CDKL1: variants seen among roughly 807,000 people sequenced by gnomAD.
CDKL1 encodes cyclin dependent kinase like 1.
Under a neutral mutation model 42.0 loss-of-function variants are expected in CDKL1, and 41 were observed. The observed-to-expected ratio is 0.98, with a 90% CI of 0.76 to 1.27. The LOEUF is 1.27. CDKL1 is among the 50% of genes most tolerant of loss of function. The pLI is 0.00. For missense variants in CDKL1, 394 were observed against 428.4 expected, an observed-to-expected ratio of 0.92 and a Z score of 0.71; for synonymous variants, 153 against 158.6, an observed-to-expected ratio of 0.96 and a Z score of 0.26.
chr14:50,372,351 C>G (rs1253156434), intron 2 of CDKL1, among the ~76,000 whole-genome samples: 1 of 152,214 alleles, frequency 6.6e-6, no homozygotes, highest in Non-Finnish European at 1.5e-5. Context: ...CTCCTGACCT[C>G]AGGTGATCTG....
At chr14:50,363,047 A>AAGAAC (rs2139464008) in intron 2 of CDKL1, 1 of 432,622 alleles carries the variant, frequency 2.3e-6, no homozygotes, top group South Asian at 1.6e-5. Context: ...ACTGGGAGGA[A>AAGAAC]AGAACAACTC....
intron 3 of CDKL1, among the ~76,000 whole-genome samples, chr14:50,351,891 C>A (rs2033915967): frequency 6.6e-6 from 1 of 152,020 alleles, no homozygotes; most frequent in Non-Finnish European, 1.5e-5. Flanking sequence ...TTTACATAGG[C>A]ACAATAATGG....
intron 2 of CDKL1, among the ~76,000 whole-genome samples, chr14:50,380,647 T>C (rs982274242): frequency 2.6e-5 from 4 of 152,176 alleles, no homozygotes; most frequent in Admixed American, 6.5e-5. Flanking sequence ...ATTGATGACA[T>C]CATGTTAACT....
At chr14:50,345,168 G>T in intron 3 of CDKL1, 110 bp from the exon 4 acceptor site, 1 of 873,160 alleles carries the variant, frequency 1.1e-6, no homozygotes. Context: ...AATCTTAGGT[G>T]ACACATAGTC....
intron 8 of CDKL1, chr14:50,333,915 A>G (rs968831487): frequency 1.3e-5 from 2 of 150,924 alleles, no homozygotes; most frequent in African/African-American, 2.4e-5. Flanking sequence ...ATATATATCA[A>G]GTTTTTAAAT....
At chr14:50,392,489 A>G (rs8022479) in intron 2 of CDKL1, among the ~76,000 whole-genome samples, 3,205 of 147,248 alleles carry the variant, frequency 0.022, 46 homozygotes, top group Non-Finnish European at 0.028. Context: ...TAATAATAAT[A>G]ATGAAAGAAC....
chr14:50,369,619 C>T (rs1216570846), intron 2 of CDKL1, among the ~76,000 whole-genome samples: 1 of 149,822 alleles, frequency 6.7e-6, no homozygotes, highest in Non-Finnish European at 1.5e-5. Flanking sequence ...CACACACACA[C>T]ACACACACAC....
chr14:50,331,031 C>G (rs890371030), intron 9 of CDKL1: 1 of 152,216 alleles, frequency 6.6e-6, no homozygotes, highest in Non-Finnish European at 1.5e-5. Context: ...GGTCAGGAGT[C>G]GAGACCAGCC....
chr14:50,397,174 C>T (rs1447131162), upstream of CDKL1: 1 of 1,366,554 alleles, frequency 7.3e-7, no homozygotes, highest in Non-Finnish European at 9.8e-7. Context: ...GCTAGGAGCC[C>T]CTCCTGAGCG....
intron 2 of CDKL1, among the ~76,000 whole-genome samples, chr14:50,389,258 C>T (rs1007626524): frequency 1.7e-4 from 26 of 152,026 alleles, no homozygotes; most frequent in African/African-American, 6.3e-4. Context: ...TTACTATTCA[C>T]GATGAATTAA....
chr14:50,390,266 C>T, intron 2 of CDKL1: 2 of 1,366,394 alleles, frequency 1.5e-6, no homozygotes, highest in African/African-American at 1.5e-5. Flanking sequence ...ATTTTAACGC[C>T]CCCATACCAC....
intron 2 of CDKL1, chr14:50,377,568 C>A: frequency 2.2e-6 from 3 of 1,339,480 alleles, no homozygotes; most frequent in South Asian, 1.2e-5. Context: ...AGCAGGCCTT[C>A]AGAATGGAAT....
intron 4 of CDKL1, among the ~76,000 whole-genome samples, chr14:50,344,727 C>T (rs1053937947): frequency 6.6e-6 from 1 of 152,096 alleles, no homozygotes; most frequent in African/African-American, 2.4e-5. Context: ...CTACCTTGGC[C>T]TCCCAAAGTC....
chr14:50,370,964 T>C (rs2034574713), intron 2 of CDKL1, among the ~76,000 whole-genome samples: 1 of 152,198 alleles, frequency 6.6e-6, no homozygotes, highest in Non-Finnish European at 1.5e-5. Flanking sequence ...TATCAATGAA[T>C]TCACTTGTTT....
chr14:50,339,115 G>T (rs1337550678), intron 6 of CDKL1, 86 bp from the exon 7 acceptor site: 7 of 929,804 alleles, frequency 7.5e-6, no homozygotes, highest in African/African-American at 4.9e-5. Flanking sequence ...GTGTTTGTCT[G>T]TGCCCATATG....
intron 3 of CDKL1, among the ~76,000 whole-genome samples, chr14:50,348,656 C>T (rs1307847517): frequency 6.6e-6 from 1 of 152,070 alleles, no homozygotes; most frequent in African/African-American, 2.4e-5. Context: ...AGCAAATGGC[C>T]CAGCTAGAAA....
chr14:50,384,686 T>TC (rs899969806), intron 2 of CDKL1, among the ~76,000 whole-genome samples: 4 of 151,656 alleles, frequency 2.6e-5, no homozygotes, highest in Admixed American at 6.6e-5. Context: ...ATCTTTCTTT[T>TC]TTTTTTTTTT....
Position 50,326,694 on chromosome 14 carries a change from A to G in CDKL1, c.*3380T>C, listed in dbSNP as rs916656890. 8.3e-5 allele frequency: 82 copies of G among 985,336 alleles called. No individual in the cohort carries two copies. Among genetic ancestry groups the G allele is most frequent in the Non-Finnish European group, 9.3e-5 (77 of 829,930 alleles). 61.0% of individuals were successfully genotyped at this position (985,336 alleles called of 1,614,324 possible). ...AAATAGTTTTGCAGATTGCAATATA[A>G]TAAAGGAAACAGTAAAAACTAGTGG... On this transcript the variant is annotated 3_prime_UTR_variant, in exon 10 of 10. Transcript: ENST00000395834.
chr14:50,383,871 G>C (rs1013869061), intron 2 of CDKL1, among the ~76,000 whole-genome samples: 7 of 152,018 alleles, frequency 4.6e-5, no homozygotes, highest in African/African-American at 1.4e-4. Context: ...TGCTTCTGTT[G>C]TTCTGAAAGT....
Sources: allele counts gnomAD v4.1 joint callset (sites outside exome capture counted in the v4.1 genomes callset), GRCh38; gene constraint gnomAD v4.1.1; transcripts MANE v1.5; gene names NCBI Gene and HGNC (gene_info 2026-07-23, HGNC 2026-07-21).